The following SNX18 variants were observed in gnomAD, a reference collection of about 807,000 sequenced individuals.
The protein encoded by SNX18 is sorting nexin 18, also known as sorting nexin-18.
SNX18 carries 35 observed loss-of-function variants against 48.7 expected under a neutral mutation model. That is an observed-to-expected ratio of 0.72 (90% CI 0.55 to 0.95). The LOEUF is 0.95. Ranked by LOEUF, SNX18 falls within the 40% of genes least tolerant of loss-of-function variation. SNX18 has a pLI of 0.00. For synonymous variants in SNX18, 492 were observed against 384.7 expected (o/e 1.28, Z -3.26); for missense variants, 824 against 871.0 (o/e 0.95, Z 0.68).
At chr5:54,573,976 T>C in the SNX18 span, among the ~76,000 whole-genome samples, 1 of 152,194 alleles carries the variant, frequency 6.6e-6, no homozygotes, top group African/African-American at 2.4e-5. Context: ...TACCAATGGC[T>C]ACACAGCAGA....
the SNX18 span, among the ~76,000 whole-genome samples, chr5:54,573,781 C>G: frequency 6.6e-6 from 1 of 152,124 alleles, no homozygotes; most frequent in Admixed American, 6.5e-5. Context: ...CAAGACTAGA[C>G]ACAGGAAAAG....
the SNX18 span, among the ~76,000 whole-genome samples, chr5:54,625,992 C>T: frequency 1.3e-5 from 2 of 152,160 alleles, no homozygotes; most frequent in Non-Finnish European, 2.9e-5. Flanking sequence ...TTGCTAGTGC[C>T]GTTGTTTGAA....
chr5:54,562,693 A>G, the SNX18 span, among the ~76,000 whole-genome samples: 1 of 152,346 alleles, frequency 6.6e-6, no homozygotes, highest in East Asian at 1.9e-4. Context: ...GACTATGTTT[A>G]CCGGTTTATG....
chr5:54,519,167 C>A lies in SNX18; in HGVS notation c.1215C>A (p.Ala405=), dbSNP rs1232609161. The A allele has an allele frequency of 6.2e-7, 1 of 1,613,804 alleles. No homozygotes were observed. Among genetic ancestry groups the A allele is most frequent in the East Asian group, 2.2e-5 (1 of 44,868 alleles). The change falls in exon 1 of 2, where the codon GCC becomes GCA. Residue 405 remains alanine, a synonymous_variant. Transcript: ENST00000381410. ...RKAEKDEMVG[A]NFFLTLSTPP... ...CCGAGAAGGACGAGATGGTGGGCGC[C>A]AACTTCTTCCTGACCCTTAGCACGC...
At chr5:54,527,272 C>T (rs1247988511) in intron 1 of SNX18, among the ~76,000 whole-genome samples, 2 of 150,562 alleles carry the variant, frequency 1.3e-5, no homozygotes, top group Admixed American at 1.3e-4. Context: ...AAGCAGGGAG[C>T]TAGTAGGAAA....
chr5:54,606,886 A>G, the SNX18 span, among the ~76,000 whole-genome samples: 1 of 152,134 alleles, frequency 6.6e-6, no homozygotes, highest in Non-Finnish European at 1.5e-5. Flanking sequence ...AGGTTTGTGT[A>G]TCCACCACCA....
At chr5:54,537,246 T>C (rs953222374) in intron 1 of SNX18, among the ~76,000 whole-genome samples, 2 of 152,238 alleles carry the variant, frequency 1.3e-5, no homozygotes, top group Non-Finnish European at 2.9e-5. Flanking sequence ...CACTACTTCA[T>C]GTATGAATAG....
the SNX18 span, among the ~76,000 whole-genome samples, chr5:54,639,111 C>T: frequency 6.6e-6 from 1 of 152,166 alleles, no homozygotes; most frequent in African/African-American, 2.4e-5. Context: ...TTTTAATGTT[C>T]TGCCATGAGT....
the SNX18 span, among the ~76,000 whole-genome samples, chr5:54,571,859 CTG>C: frequency 6.6e-6 from 1 of 152,072 alleles, no homozygotes; most frequent in Non-Finnish European, 1.5e-5. Context: ...TCGGGGGAGA[CTG>C]TGTGTGCTGC....
At chr5:54,520,703 C>G (rs1176174867) in intron 1 of SNX18, 1 of 167,186 alleles carries the variant, frequency 6.0e-6, no homozygotes, top group Non-Finnish European at 1.5e-5. Context: ...TTCCCTGGGA[C>G]CGCCTTCAGA....
At chr5:54,568,120 G>A in the SNX18 span, among the ~76,000 whole-genome samples, 1 of 152,122 alleles carries the variant, frequency 6.6e-6, no homozygotes, top group Non-Finnish European at 1.5e-5. Context: ...GTTCTTTTCA[G>A]TTATGGCCTC....
At chr5:54,519,772 C>T (rs1761979632) in intron 1 of SNX18, 199 bp downstream of exon 1, 13 of 1,614,100 alleles carry the variant, frequency 8.1e-6, no homozygotes, top group Non-Finnish European at 1.1e-5. Flanking sequence ...GAGTATCTTG[C>T]ATTAGGGAAT....
rs983732528 is a variant in SNX18, at chr5:54,545,885, T to A, written c.*2453T>A. On this transcript the variant is annotated 3_prime_UTR_variant, in exon 2 of 2. Coordinates refer to ENST00000381410, the MANE Select transcript of SNX18 (RefSeq NM_001102575.2). ...CCCTTCATGCCATTATTTGTCTTTA[T>A]TTCTATGATTTATAATCCTGATATG... 2 of 152,100 alleles carry A rather than the reference T, an allele frequency of 1.3e-5. No individual in the cohort carries two copies. The highest frequency in any genetic ancestry group is 4.8e-5 in the African/African-American group (2 of 41,318). The allele number at this position is 152,100 out of a possible 1,614,324, so 9.4% of individuals were successfully genotyped here.
At chr5:54,628,918 T>C in the SNX18 span, among the ~76,000 whole-genome samples, 62 of 152,302 alleles carry the variant, frequency 4.1e-4, no homozygotes, top group African/African-American at 1.4e-3. Context: ...GAAAACCCTT[T>C]GTTTTCACCT....
intron 1 of SNX18, among the ~76,000 whole-genome samples, chr5:54,534,046 A>C (rs1246972443): frequency 6.6e-6 from 1 of 152,122 alleles, no homozygotes; most frequent in Non-Finnish European, 1.5e-5. Flanking sequence ...CAGGGAATGA[A>C]GAAAAACAGG....
the SNX18 span, among the ~76,000 whole-genome samples, chr5:54,589,358 AT>A: frequency 1.3e-5 from 2 of 151,858 alleles, no homozygotes; most frequent in African/African-American, 2.4e-5. Flanking sequence ...AAGGAGCTAT[AT>A]TTGCTTGTGT....
chr5:54,591,663 A>T, the SNX18 span, among the ~76,000 whole-genome samples: 4 of 152,244 alleles, frequency 2.6e-5, no homozygotes, highest in Non-Finnish European at 5.9e-5. Flanking sequence ...AGAAAGAGAA[A>T]TATCTTTTCT....
downstream of SNX18, among the ~76,000 whole-genome samples, chr5:54,549,034 T>C (rs1333669062): frequency 6.6e-6 from 1 of 152,240 alleles, no homozygotes; most frequent in Non-Finnish European, 1.5e-5. Flanking sequence ...TTTTTATTTG[T>C]ATTTTTTTGT....
In SNX18 at chr5:54,518,542, C is replaced by A; in HGVS notation, c.590C>A (p.Thr197Lys). 6.3e-7 allele frequency: 1 copy of A among 1,582,770 alleles called. No individual in the cohort carries two copies. The highest frequency in any genetic ancestry group is 1.1e-5 in the South Asian group (1 of 87,026). ...VGAAGRYRLSTRSDLSLGSRG... is the reference protein window; with the variant it reads ...VGAAGRYRLSKRSDLSLGSRG... ...GCAGCCGGCCGCTACCGCCTGTCCA[C>A]GCGCTCCGACCTGTCCCTGGGTTCC... The change falls in exon 1 of 2, where the codon ACG (threonine) becomes AAG (lysine). Residue 197 changes from threonine (T) to lysine (K), a missense_variant. Around this residue, in one of 3 missense-constraint regions of SNX18, gnomAD observed 377 missense variants for 350.6 expected, o/e 1.08. Coordinates refer to ENST00000381410, the MANE Select transcript of SNX18 (RefSeq NM_001102575.2).
Sources: allele counts gnomAD v4.1 joint callset (sites outside exome capture counted in the v4.1 genomes callset), GRCh38; gene constraint gnomAD v4.1.1; regional missense constraint gnomAD v4.1.1; transcripts MANE v1.5; gene names NCBI Gene and HGNC (gene_info 2026-07-23, HGNC 2026-07-21).